Variants in NFIX observed in about 807,000 individuals in gnomAD.
The protein encoded by NFIX is nuclear factor I X, also known as nuclear factor 1 X-type.
NFIX carries 2 observed loss-of-function variants against 53.3 expected under a neutral mutation model. The ratio of observed to expected loss-of-function variants is 0.04; its 90% CI spans 0.02 to 0.12. The LOEUF (loss-of-function observed/expected upper bound fraction) is 0.12. NFIX is among the 10% of genes least tolerant of loss of function. The probability of loss-of-function intolerance (pLI) is 1.00; values close to 1 mark genes in which losing one functional copy is unlikely to be tolerated. For synonymous variants in NFIX, 244 were observed against 289.0 expected (o/e 0.84, Z 1.58); for missense variants, 310 against 674.5 (o/e 0.46, Z 5.99).
At chr19:13,075,294 G>GT (rs2017024455) in intron 5 of NFIX, among the ~76,000 whole-genome samples, 1 of 152,116 alleles carries the variant, frequency 6.6e-6, no homozygotes, top group African/African-American at 2.4e-5. Context: ...TTGGAGGACC[G>GT]TGGCATCACA....
intron 2 of NFIX, among the ~76,000 whole-genome samples, chr19:13,039,782 C>T (rs543511908): frequency 4.4e-4 from 67 of 152,286 alleles, no homozygotes; most frequent in African/African-American, 1.5e-3. Flanking sequence ...GTGTTTTATC[C>T]GCCTTTGCAT....
chr19:13,080,323 G>A (rs749933310), intron 7 of NFIX, among the ~76,000 whole-genome samples: 49 of 152,130 alleles, frequency 3.2e-4, no homozygotes, highest in Non-Finnish European at 5.0e-4. Context: ...GCAGTGGCAC[G>A]ATTATAGCTC....
intron 2 of NFIX, among the ~76,000 whole-genome samples, chr19:13,038,327 GC>G (rs1294325242): frequency 1.3e-5 from 2 of 152,160 alleles, no homozygotes; most frequent in African/African-American, 4.8e-5. Flanking sequence ...TGTTTTCCCT[GC>G]CTTTCAGGTC....
intron 2 of NFIX, among the ~76,000 whole-genome samples, chr19:13,032,781 A>C (rs1361345076): frequency 6.6e-6 from 1 of 152,124 alleles, no homozygotes; most frequent in Non-Finnish European, 1.5e-5. Flanking sequence ...GTTGAGGCCA[A>C]AAAGAAATGG....
At position 13,090,404 on chromosome 19, in the gene NFIX, C is replaced by G; in HGVS notation, c.1494+14C>G. 6.2e-7 allele frequency: 1 copy of G among 1,610,928 alleles called. No individual in the cohort carries two copies. The highest frequency in any genetic ancestry group is 1.7e-5 in the Admixed American group (1 of 60,014). On this transcript the variant is annotated intron_variant, in intron 10 of 10. Coordinates refer to ENST00000592199, the MANE Select transcript of NFIX (RefSeq NM_001365902.3). The surrounding 1 kb of genome is among the most constrained non-coding windows in gnomAD (Gnocchi z 6.6). ...CAGCAGTCTCAGGTAGGAGACCCTG[C>G]CCACCACCTGGATGCAGGGACCAGG...
intron 1 of NFIX, among the ~76,000 whole-genome samples, chr19:13,003,468 G>A (rs993352055): frequency 1.3e-5 from 2 of 152,042 alleles, no homozygotes; most frequent in Non-Finnish European, 2.9e-5. Context: ...CAGTCATAAT[G>A]TCAGTGCCCA....
chr19:13,027,841 G>A lies in NFIX; in HGVS notation c.559+2289G>A, dbSNP rs141866986. Among the ~76,000 whole-genome samples the A allele has an allele frequency of 5.6e-3, 849 of 152,326 alleles. 6 individuals carry two copies. The highest frequency in any genetic ancestry group is 0.02 in the African/African-American group (824 of 41,570). ...ACTTCTCTGGGCTGGGGCTGAGGCC[G>A]AGTCTCCTCTACAAAAGCAGAGTAG... On this transcript the variant is annotated intron_variant, in intron 2 of 10. Transcript: ENST00000592199. The surrounding 1 kb of genome is among the most constrained non-coding windows in gnomAD (Gnocchi z 4.3).
In NFIX at chr19:13,072,350, G is replaced by T. The variant is rs566414940; in HGVS notation, c.560-697G>T. Among the ~76,000 whole-genome samples, 1 of 152,240 alleles carries T rather than the reference G, an allele frequency of 6.6e-6. No homozygotes were observed. The highest frequency in any genetic ancestry group is 1.9e-4 in the East Asian group (1 of 5,196). On this transcript the variant is annotated intron_variant, in intron 2 of 10. Transcript: ENST00000592199. The surrounding 1 kb of genome is among the most constrained non-coding windows in gnomAD (Gnocchi z 4.0). ...GTCTCGGGGCTCCCTCTGAGCAGCT[G>T]TGGCACCGGGGCATGAGACAGCCCA... is the stretch of plus-strand genomic sequence containing the variant.
In NFIX at chr19:13,014,668, C is replaced by A. The variant is rs1042641627; in HGVS notation, c.28-10353C>A. 2.6e-5 allele frequency among the ~76,000 whole-genome samples: 4 copies of A among 152,214 alleles called. No individual in the cohort carries two copies. Among genetic ancestry groups the A allele is most frequent in the African/African-American group, 9.7e-5 (4 of 41,446 alleles). ...AGAGCCCGTCTTGGCAACCCTGTGC[C>A]CTTGATAGAAGAGAGAGCTGCCCAC... On this transcript the variant is annotated intron_variant, in intron 1 of 10. Coordinates refer to ENST00000592199, the MANE Select transcript of NFIX (RefSeq NM_001365902.3). This position sits in a 1 kb window ranked among gnomAD's most constrained non-coding sequence, Gnocchi z 4.4.
At chr19:13,038,880 G>C (rs767698873) in intron 2 of NFIX, among the ~76,000 whole-genome samples, 1 of 152,198 alleles carries the variant, frequency 6.6e-6, no homozygotes, top group Non-Finnish European at 1.5e-5. Context: ...CGTTGTGTGT[G>C]TCAGGCCCAA....
chr19:13,072,980 A>G lies in NFIX; in HGVS notation c.560-67A>G. 4.0e-6 allele frequency: 6 copies of G among 1,482,660 alleles called. No homozygotes were observed. Among genetic ancestry groups the G allele is most frequent in the Non-Finnish European group, 4.7e-6 (5 of 1,060,346 alleles). The allele number at this position is 1,482,660 out of a possible 1,614,324, so 91.8% of individuals were successfully genotyped here. A position where few individuals can be genotyped will look rare whatever the true frequency, so the allele number is the denominator to read the frequency against. Reference sequence around the variant, plus strand: ...GCTCTTGCACCAGGCTGGAGGGGCCAATGCTTGGCTGGTGCTTATGGGGAA... The same window carrying G: ...GCTCTTGCACCAGGCTGGAGGGGCCGATGCTTGGCTGGTGCTTATGGGGAA... On this transcript the variant is annotated intron_variant, in intron 2 of 10. Transcript: ENST00000592199. This position sits in a 1 kb window ranked among gnomAD's most constrained non-coding sequence, Gnocchi z 4.0.
In NFIX at chr19:13,028,910, C is replaced by T. The variant is rs1474376086; in HGVS notation, c.559+3358C>T. 1.3e-5 allele frequency among the ~76,000 whole-genome samples: 2 copies of T among 152,032 alleles called. No homozygotes were observed. Among genetic ancestry groups the T allele is most frequent in the African/African-American group, 4.8e-5 (2 of 41,380 alleles). ...GGTGAACCAGTGCCTTCAGACCTTC[C>T]CTGACACCTAAGCCTTGGTCCTAGG... On this transcript the variant is annotated intron_variant, in intron 2 of 10. Coordinates refer to ENST00000592199, the MANE Select transcript of NFIX (RefSeq NM_001365902.3). This position sits in a 1 kb window ranked among gnomAD's most constrained non-coding sequence, Gnocchi z 4.2.
intron 8 of NFIX, among the ~76,000 whole-genome samples, 170 bp from the exon 9 acceptor site, chr19:13,087,819 A>C (rs1470055921): frequency 2.7e-5 from 4 of 148,340 alleles, no homozygotes; most frequent in Non-Finnish European, 5.9e-5. Flanking sequence ...TGAGAGACCA[A>C]ATAGAGGCCT....
Position 13,001,733 on chromosome 19 carries a change from T to C in NFIX, c.27+5869T>C, listed in dbSNP as rs1355870451. 6.6e-5 allele frequency among the ~76,000 whole-genome samples: 10 copies of C among 152,194 alleles called. No individual in the cohort carries two copies. Among genetic ancestry groups the C allele is most frequent in the Non-Finnish European group, 1.5e-4 (10 of 68,024 alleles). ...CTGAGCTTGTCCCCGTGACAATCAC[T>C]GTGGGTCTCACCCCACGGGCGCCTC... is the stretch of plus-strand genomic sequence containing the variant. On this transcript the variant is annotated intron_variant, in intron 1 of 10. Transcript: ENST00000592199. This position sits in a 1 kb window ranked among gnomAD's most constrained non-coding sequence, Gnocchi z 6.5.
rs531011392 is a variant in NFIX at position 13,001,669 on chromosome 19, C to T, written c.27+5805C>T. 6.6e-6 allele frequency among the ~76,000 whole-genome samples: 1 copy of T among 152,314 alleles called. No homozygotes were observed. The highest frequency in any genetic ancestry group is 1.9e-4 in the East Asian group (1 of 5,166). On this transcript the variant is annotated intron_variant, in intron 1 of 10. Transcript: ENST00000592199. The surrounding 1 kb of genome is among the most constrained non-coding windows in gnomAD (Gnocchi z 6.5). ...TTGTGTCCACATACGTGTCAACGCA[C>T]GTGTCTCCAGTGTCATCACCCTCAT...
At chr19:13,031,939 C>A (rs888484971) in intron 2 of NFIX, among the ~76,000 whole-genome samples, 1 of 152,072 alleles carries the variant, frequency 6.6e-6, no homozygotes, top group African/African-American at 2.4e-5. Context: ...TCCCTCCCCA[C>A]CCCTTTTTCT....
At chr19:13,050,050 T>G (rs1443248331) in intron 2 of NFIX, among the ~76,000 whole-genome samples, 1 of 152,242 alleles carries the variant, frequency 6.6e-6, no homozygotes, top group Non-Finnish European at 1.5e-5. Flanking sequence ...ATGTATGTTT[T>G]GGATTCTCTA....
chr19:12,995,937 G>C (rs2011448452), intron 1 of NFIX, 73 bp downstream of exon 1: 7 of 641,418 alleles, frequency 1.1e-5, no homozygotes, highest in Non-Finnish European at 1.3e-5. Flanking sequence ...CGCGGGCGGA[G>C]GGGACGCGCG....
rs976711751 is a variant in NFIX at position 13,051,880 on chromosome 19, G to A, written c.560-21167G>A. ...GGCGGGGCGGCTCCCGGGAGCAGCC[G>A]GGCGGCTGCGGGAAGGCACTTCTTA... On this transcript the variant is annotated intron_variant, in intron 2 of 10. Coordinates refer to ENST00000592199, the MANE Select transcript of NFIX (RefSeq NM_001365902.3). The surrounding 1 kb of genome is among the most constrained non-coding windows in gnomAD (Gnocchi z 5.1). 2.6e-5 allele frequency among the ~76,000 whole-genome samples: 4 copies of A among 151,954 alleles called. No individual in the cohort carries two copies. Among genetic ancestry groups the A allele is most frequent in the Admixed American group, 2.0e-4 (3 of 15,244 alleles).
Sources: gnomAD v4.1 joint callset for allele counts (sites outside exome capture counted in the v4.1 genomes callset) on GRCh38, gnomAD v4.1.1 for gene constraint, Gnocchi (gnomAD v3.1) non-coding constraint, MANE v1.5 for transcripts, NCBI Gene and HGNC (gene_info 2026-07-23, HGNC 2026-07-21) for gene names.